The following RORB variants were observed in gnomAD, a reference collection of about 807,000 sequenced individuals.
RORB encodes the protein nuclear receptor ROR-beta.
A neutral mutation model predicts 59.1 loss-of-function variants in RORB; 6 were observed. The observed-to-expected ratio is 0.10, with a 90% CI of 0.06 to 0.20. The LOEUF (loss-of-function observed/expected upper bound fraction) is 0.20, where lower values mean the gene tolerates loss of function less well. RORB is among the 10% of genes least tolerant of loss of function. RORB has a pLI of 1.00. For synonymous variants in RORB, 215 were observed against 204.5 expected (o/e 1.05, Z -0.44); for missense variants, 320 against 560.5 (o/e 0.57, Z 4.33).
intron 1 of RORB, among the ~76,000 whole-genome samples, chr9:74,519,477 G>A (rs1826053663): frequency 6.6e-6 from 1 of 151,920 alleles, no homozygotes; most frequent in African/African-American, 2.4e-5. Flanking sequence ...AGCTTTTATA[G>A]GAAATTCAAA....
At chr9:74,517,121 C>G (rs2118057859) in intron 1 of RORB, among the ~76,000 whole-genome samples, 1 of 152,058 alleles carries the variant, frequency 6.6e-6, no homozygotes, top group East Asian at 1.9e-4. Flanking sequence ...AATATGCTTT[C>G]TATTAGAAAA....
intron 9 of RORB, among the ~76,000 whole-genome samples, chr9:74,681,061 G>A (rs1247129235): frequency 1.3e-5 from 2 of 152,180 alleles, no homozygotes; most frequent in Non-Finnish European, 2.9e-5. Flanking sequence ...AGAAATGAGT[G>A]TGAAAATGCC....
chr9:74,586,063 G>A (rs1026801721), intron 1 of RORB, among the ~76,000 whole-genome samples: 1 of 151,962 alleles, frequency 6.6e-6, no homozygotes, highest in African/African-American at 2.4e-5. Context: ...CAAAGTGCTG[G>A]GATTACAGGC....
chr9:74,567,280 G>A (rs1381127644), intron 1 of RORB, among the ~76,000 whole-genome samples: 1 of 152,140 alleles, frequency 6.6e-6, no homozygotes. Context: ...ACCCGCCTTG[G>A]CCTCCCAAAG....
At chr9:74,527,880 A>G (rs531662389) in intron 1 of RORB, among the ~76,000 whole-genome samples, 1 of 152,106 alleles carries the variant, frequency 6.6e-6, no homozygotes, top group African/African-American at 2.4e-5. Flanking sequence ...ATAGGGTAGC[A>G]GGTTGACTTC....
At chr9:74,594,885 T>C (rs1822948784) in intron 1 of RORB, among the ~76,000 whole-genome samples, 1 of 152,080 alleles carries the variant, frequency 6.6e-6, no homozygotes, top group Admixed American at 6.5e-5. Context: ...CATTCATCTT[T>C]CTCTACACCA....
At chr9:74,574,108 G>A (rs753634772) in intron 1 of RORB, among the ~76,000 whole-genome samples, 2 of 151,970 alleles carry the variant, frequency 1.3e-5, no homozygotes, top group African/African-American at 2.4e-5. Flanking sequence ...TTTTATTGAC[G>A]GCCTCCTCAT....
intron 1 of RORB, among the ~76,000 whole-genome samples, chr9:74,595,989 G>T (rs1822965106): frequency 6.6e-6 from 1 of 152,124 alleles, no homozygotes; most frequent in Non-Finnish European, 1.5e-5. Context: ...GATCAAATAT[G>T]ATTTGTGTCC....
chr9:74,572,915 G>A (rs1169686153), intron 1 of RORB, among the ~76,000 whole-genome samples: 1 of 152,132 alleles, frequency 6.6e-6, no homozygotes, highest in Middle Eastern at 3.2e-3. Flanking sequence ...TCGAACAACT[G>A]TTCCAAAATT....
rs71977081 is a variant in RORB, at chr9:74,508,900, GCTCT to G, written c.7+10936_7+10939del. Among the ~76,000 whole-genome samples, 31 of 148,366 alleles carry G rather than the reference GCTCT, an allele frequency of 2.1e-4. 1 individual carries two copies. The highest frequency in any genetic ancestry group is 4.0e-4 in the Admixed American group (6 of 14,842). On this transcript the variant is annotated intron_variant, in intron 1 of 9. Coordinates refer to ENST00000376896, the MANE Select transcript of RORB (RefSeq NM_006914.4). The stretch of plus-strand genomic sequence containing the variant: ...TCCAGTTCTATTTTTATTAATCTAT[GCTCT>G]CTCTCTCTCTCTCTCTCTGGCCATA...
chr9:74,651,784 T>G lies in RORB; in HGVS notation c.638-8833T>G, dbSNP rs78553549. ...TTAAAACTCATCAACTGCAGGACATTTAAGTAAATTAATCTTTCTGACTGT... is the reference window on the plus strand; with the variant it reads ...TTAAAACTCATCAACTGCAGGACATGTAAGTAAATTAATCTTTCTGACTGT... On this transcript the variant is annotated intron_variant, in intron 4 of 9. Coordinates refer to ENST00000376896, the MANE Select transcript of RORB (RefSeq NM_006914.4). Among the ~76,000 whole-genome samples the G allele has an allele frequency of 4.3e-3, 654 of 152,322 alleles. 14 individuals are homozygous for G. The highest frequency in any genetic ancestry group is 0.015 in the African/African-American group (618 of 41,560).
chr9:74,657,268 T>C (rs1363647590), intron 4 of RORB, among the ~76,000 whole-genome samples: 1 of 152,076 alleles, frequency 6.6e-6, no homozygotes, highest in African/African-American at 2.4e-5. Context: ...GGTTTCACCA[T>C]GTTGGCCGGG....
At chr9:74,579,021 C>T (rs149612318) in intron 1 of RORB, among the ~76,000 whole-genome samples, 245 of 152,194 alleles carry the variant, frequency 1.6e-3, no homozygotes, top group Middle Eastern at 3.4e-3. Flanking sequence ...CTCTTCCCAA[C>T]GAACTAGTGT....
intron 1 of RORB, among the ~76,000 whole-genome samples, chr9:74,518,938 C>T (rs985914494): frequency 4.6e-5 from 7 of 151,922 alleles, no homozygotes; most frequent in African/African-American, 1.5e-4. Flanking sequence ...CATAATCTTA[C>T]AATACACCAA....
At chr9:74,640,448 T>C (rs1823783380) in intron 3 of RORB, among the ~76,000 whole-genome samples, 1 of 151,724 alleles carries the variant, frequency 6.6e-6, no homozygotes, top group African/African-American at 2.4e-5. Context: ...TGTGTGTGTG[T>C]GTGTGTGTGT....
At chr9:74,582,948 G>T (rs1822746120) in intron 1 of RORB, among the ~76,000 whole-genome samples, 2 of 152,156 alleles carry the variant, frequency 1.3e-5, no homozygotes, top group African/African-American at 4.8e-5. Context: ...GCTGCTAAAT[G>T]TTCAAGAGAT....
At chr9:74,573,152 C>A (rs1008119750) in intron 1 of RORB, among the ~76,000 whole-genome samples, 1 of 152,124 alleles carries the variant, frequency 6.6e-6, no homozygotes, top group African/African-American at 2.4e-5. Flanking sequence ...TTTTCCACAT[C>A]TTAACTCCAT....
At chr9:74,514,570 C>T (rs978173104) in intron 1 of RORB, among the ~76,000 whole-genome samples, 2 of 151,626 alleles carry the variant, frequency 1.3e-5, no homozygotes, top group East Asian at 1.9e-4. Flanking sequence ...AGCACAAAAC[C>T]TGAAACTCAG....
intron 1 of RORB, among the ~76,000 whole-genome samples, chr9:74,598,767 G>T (rs766562237): frequency 2.0e-5 from 3 of 152,142 alleles, no homozygotes; most frequent in Non-Finnish European, 2.9e-5. Context: ...AATACCTGAG[G>T]CTGGGTGATT....
Sources: allele counts gnomAD v4.1 joint callset (sites outside exome capture counted in the v4.1 genomes callset), GRCh38; gene constraint gnomAD v4.1.1; transcripts MANE v1.5; gene names NCBI Gene and HGNC (gene_info 2026-07-23, HGNC 2026-07-21).